SLC9A9: variants seen among roughly 807,000 people sequenced by gnomAD.
SLC9A9 encodes the protein sodium/hydrogen exchanger 9.
A neutral mutation model predicts 77.8 loss-of-function variants in SLC9A9; 62 were observed. That is an observed-to-expected ratio of 0.80 (90% CI 0.65 to 0.98). The LOEUF (loss-of-function observed/expected upper bound fraction) is 0.98, where lower values mean the gene tolerates loss of function less well. SLC9A9 is among the 50% of genes least tolerant of loss of function. The pLI is 0.00. For missense variants in SLC9A9, 775 were observed against 774.9 expected, an observed-to-expected ratio of 1.00 and a Z score of 0.00; for synonymous variants, 320 against 283.5, an observed-to-expected ratio of 1.13 and a Z score of -1.29.
intron 4 of SLC9A9, among the ~76,000 whole-genome samples, chr3:143,719,428 G>A (rs1008059232): frequency 2.6e-5 from 4 of 152,062 alleles, no homozygotes; most frequent in African/African-American, 9.7e-5. Context: ...CATGATGAAA[G>A]GCCCCAAGTA....
chr3:143,607,340 A>G (rs761862757), intron 6 of SLC9A9, among the ~76,000 whole-genome samples: 71 of 152,244 alleles, frequency 4.7e-4, no homozygotes, highest in Non-Finnish European at 7.1e-4. Flanking sequence ...CACAGAGGAA[A>G]GAGTAGGTGC....
At chr3:143,507,760 CA>C (rs2036045931) in intron 9 of SLC9A9, among the ~76,000 whole-genome samples, 1 of 152,224 alleles carries the variant, frequency 6.6e-6, no homozygotes, top group African/African-American at 2.4e-5. Context: ...GCTGAAACAA[CA>C]AACACCCATT....
rs2038626349 is a variant in SLC9A9, at chr3:143,641,672, C to G, written c.755+10583G>C. Among the ~76,000 whole-genome samples, 2 of 152,128 alleles carry G rather than the reference C, an allele frequency of 1.3e-5. 1 individual carries two copies. The highest frequency in any genetic ancestry group is 4.1e-4 in the South Asian group (2 of 4,824). ...CCTCCCAAAGTGCTGGGATTACAGG[C>G]GTGAGCCACTGTGCCCGGCCTGTTG... On this transcript the variant is annotated intron_variant, in intron 6 of 15. Coordinates refer to ENST00000316549, the MANE Select transcript of SLC9A9 (RefSeq NM_173653.4).
At chr3:143,376,251 G>T (rs149852651) in intron 13 of SLC9A9, among the ~76,000 whole-genome samples, 1 of 152,160 alleles carries the variant, frequency 6.6e-6, no homozygotes, top group African/African-American at 2.4e-5. Context: ...TGGGAAATGA[G>T]GCTGGCCAGG....
chr3:143,727,105 C>A (rs929503399), intron 4 of SLC9A9, among the ~76,000 whole-genome samples: 1 of 151,974 alleles, frequency 6.6e-6, no homozygotes, highest in Non-Finnish European at 1.5e-5. Flanking sequence ...CTAAGTAGCA[C>A]GACAAAAAGA....
rs565156374 is a variant in SLC9A9, at chr3:143,363,682, G to T, written c.1525-119C>A. 4.5e-6 allele frequency: 4 copies of T among 880,936 alleles called. No individual in the cohort carries two copies. The South Asian group carries it at 4.7e-5, about 10-fold the overall frequency. 54.6% of individuals were successfully genotyped at this position (880,936 alleles called of 1,614,324 possible). A position where few individuals can be genotyped will look rare whatever the true frequency, so the allele number is the denominator to read the frequency against. ...TTAAAAAAAACCTTTCTAAGTATAGGCATTTTCATCTAAATGGTGAAGCAG... is the reference window on the plus strand; with the variant it reads ...TTAAAAAAAACCTTTCTAAGTATAGTCATTTTCATCTAAATGGTGAAGCAG... On this transcript the variant is annotated intron_variant, in intron 13 of 15. Coordinates refer to ENST00000316549, the MANE Select transcript of SLC9A9 (RefSeq NM_173653.4).
intron 12 of SLC9A9, among the ~76,000 whole-genome samples, chr3:143,405,101 C>T (rs1241855451): frequency 6.6e-6 from 1 of 152,234 alleles, no homozygotes; most frequent in East Asian, 1.9e-4. Flanking sequence ...GACCCCCAGG[C>T]ATGAATGTGA....
At chr3:143,761,945 T>C (rs2007139522) in intron 4 of SLC9A9, among the ~76,000 whole-genome samples, 1 of 152,276 alleles carries the variant, frequency 6.6e-6, no homozygotes, top group Non-Finnish European at 1.5e-5. Flanking sequence ...CCAACCCAAA[T>C]GTCCATCAAT....
At chr3:143,524,128 G>A (rs2108615807) in intron 9 of SLC9A9, among the ~76,000 whole-genome samples, 1 of 150,986 alleles carries the variant, frequency 6.6e-6, no homozygotes, top group South Asian at 2.1e-4. Flanking sequence ...GAAGAGAGGG[G>A]TTTTGAAGAA....
chr3:143,373,578 A>T (rs529157952), intron 13 of SLC9A9, among the ~76,000 whole-genome samples: 1 of 139,864 alleles, frequency 7.1e-6, no homozygotes, highest in South Asian at 2.3e-4. Context: ...ACCAAAAACC[A>T]TTGTATCCCC....
intron 14 of SLC9A9, among the ~76,000 whole-genome samples, chr3:143,298,393 G>A (rs557025905): frequency 2.0e-5 from 3 of 152,330 alleles, no homozygotes; most frequent in South Asian, 2.1e-4. Flanking sequence ...TCATAGTCCA[G>A]AGCCTTGATG....
chr3:143,822,142 A>T (rs897271695), intron 2 of SLC9A9, among the ~76,000 whole-genome samples: 1 of 152,220 alleles, frequency 6.6e-6, no homozygotes, highest in African/African-American at 2.4e-5. Context: ...GGCTCATTCT[A>T]GCTCCACAGC....
At chr3:143,845,420 T>C (rs890528036) in intron 1 of SLC9A9, among the ~76,000 whole-genome samples, 1 of 152,210 alleles carries the variant, frequency 6.6e-6, no homozygotes, top group African/African-American at 2.4e-5. Flanking sequence ...TGATAGAAAG[T>C]TCCTAATAAG....
At chr3:143,794,961 C>A in intron 4 of SLC9A9, 40 bp downstream of exon 4, 2 of 1,581,688 alleles carry the variant, frequency 1.3e-6, no homozygotes, top group Non-Finnish European at 1.7e-6. Flanking sequence ...GATCACAGAC[C>A]CCACAGCCAC....
At chr3:143,722,935 T>C (rs1372063108) in intron 4 of SLC9A9, among the ~76,000 whole-genome samples, 1 of 152,230 alleles carries the variant, frequency 6.6e-6, no homozygotes, top group Non-Finnish European at 1.5e-5. Flanking sequence ...TGAGTTCCTG[T>C]GTGGCCCTTA....
intron 12 of SLC9A9, among the ~76,000 whole-genome samples, chr3:143,398,547 G>C (rs565048827): frequency 7.9e-5 from 12 of 152,260 alleles, no homozygotes; most frequent in African/African-American, 2.2e-4. Context: ...TGAAGTTATT[G>C]TAACACCATG....
At chr3:143,595,098 T>A (rs2037731291) in intron 6 of SLC9A9, among the ~76,000 whole-genome samples, 1 of 152,162 alleles carries the variant, frequency 6.6e-6, no homozygotes, top group Non-Finnish European at 1.5e-5. Context: ...CTGGAAGACT[T>A]CTTTTTGAAT....
At chr3:143,387,179 A>G (rs2033447177) in intron 12 of SLC9A9, among the ~76,000 whole-genome samples, 1 of 152,162 alleles carries the variant, frequency 6.6e-6, no homozygotes, top group Non-Finnish European at 1.5e-5. Context: ...TAGACTAGTT[A>G]GGGTAATAAG....
intron 13 of SLC9A9, among the ~76,000 whole-genome samples, chr3:143,379,487 G>C (rs774363090): frequency 1.3e-5 from 2 of 152,220 alleles, no homozygotes; most frequent in African/African-American, 4.8e-5. Flanking sequence ...TGAAACGTAA[G>C]TTCTTTGGTA....
Sources: allele counts gnomAD v4.1 joint callset (sites outside exome capture counted in the v4.1 genomes callset), GRCh38; gene constraint gnomAD v4.1.1; transcripts MANE v1.5; gene names NCBI Gene and HGNC (gene_info 2026-07-23, HGNC 2026-07-21).